The following RASAL2 variants were observed in gnomAD, a reference collection of about 807,000 sequenced individuals.
The protein encoded by RASAL2 is RAS protein activator like 2.
A neutral mutation model predicts 128.9 loss-of-function variants in RASAL2; 58 were observed. That is an observed-to-expected ratio of 0.45 (90% CI 0.36 to 0.56). The LOEUF (loss-of-function observed/expected upper bound fraction) is 0.56. Ranked by LOEUF, RASAL2 falls within the 20% of genes least tolerant of loss-of-function variation. The pLI is 0.00. For missense variants in RASAL2, 1,360 were observed against 1,601.6 expected (o/e 0.85, Z 2.57); for synonymous variants, 561 against 580.8 (o/e 0.97, Z 0.49).
rs1671723783 is a variant in RASAL2 at position 178,371,601 on chromosome 1, C to T, written c.458-18499C>T. ...AGAAGAAAGGAGGGATGAGAGCTTC[C>T]TATTCACAGATTTATCAACCTGCCT... On this transcript the variant is annotated intron_variant, in intron 3 of 17. Coordinates refer to ENST00000367649, the MANE Select transcript of RASAL2 (RefSeq NM_170692.4). Among the ~76,000 whole-genome samples, 15 of 152,176 alleles carry T rather than the reference C, an allele frequency of 9.9e-5. No individual in the cohort carries two copies. In the South Asian group the frequency reaches 3.1e-3, roughly 32 times the overall value.
chr1:178,321,066 C>T (rs1028063015), intron 3 of RASAL2, among the ~76,000 whole-genome samples: 1 of 152,154 alleles, frequency 6.6e-6, no homozygotes, highest in South Asian at 2.1e-4. Context: ...AGTACTTTAT[C>T]TGTGCACAAT....
intron 15 of RASAL2, among the ~76,000 whole-genome samples, chr1:178,464,768 C>A (rs1647475698): frequency 1.5e-5 from 2 of 129,268 alleles, no homozygotes; most frequent in African/African-American, 5.8e-5. Flanking sequence ...CACCCAAGGA[C>A]AAAATTACCC....
intron 1 of RASAL2, among the ~76,000 whole-genome samples, chr1:178,128,998 A>G (rs928905238): frequency 6.6e-6 from 1 of 151,958 alleles, no homozygotes; most frequent in Non-Finnish European, 1.5e-5. Flanking sequence ...ATGAACATTC[A>G]TGTACAAGTT....
At chr1:178,341,729 AT>A (rs1669893418) in intron 3 of RASAL2, 1 of 1,439,686 alleles carries the variant, frequency 6.9e-7, no homozygotes, top group Non-Finnish European at 9.6e-7. Context: ...CTTTAAAAAA[AT>A]AGGTTGGTTT....
At chr1:178,109,141 T>G (rs1334533526) in intron 1 of RASAL2, among the ~76,000 whole-genome samples, 1 of 152,226 alleles carries the variant, frequency 6.6e-6, no homozygotes, top group Non-Finnish European at 1.5e-5. Context: ...CAGGTGGCTC[T>G]CTACTTTAAT....
At chr1:178,139,269 G>C (rs184922944) in intron 1 of RASAL2, among the ~76,000 whole-genome samples, 1 of 152,018 alleles carries the variant, frequency 6.6e-6, no homozygotes, top group Non-Finnish European at 1.5e-5. Flanking sequence ...GGGAATAAGG[G>C]AACTTTTTTC....
At chr1:178,250,808 T>A (rs961612063) in intron 1 of RASAL2, among the ~76,000 whole-genome samples, 1 of 152,182 alleles carries the variant, frequency 6.6e-6, no homozygotes, top group Non-Finnish European at 1.5e-5. Context: ...CCTTACACTG[T>A]GTTTGCTTAG....
At chr1:178,295,790 A>G (rs1667471269) in intron 2 of RASAL2, among the ~76,000 whole-genome samples, 1 of 152,144 alleles carries the variant, frequency 6.6e-6, no homozygotes, top group Admixed American at 6.5e-5. Flanking sequence ...TTAAGGAAAT[A>G]AGAAAGTTGA....
chr1:178,185,687 T>TA (rs1662267855), intron 1 of RASAL2, among the ~76,000 whole-genome samples: 1 of 152,090 alleles, frequency 6.6e-6, no homozygotes, highest in Admixed American at 6.5e-5. Context: ...TATGGTGGAT[T>TA]ACATTTATTG....
At chr1:178,226,472 C>T (rs1333643468) in intron 1 of RASAL2, among the ~76,000 whole-genome samples, 2 of 152,008 alleles carry the variant, frequency 1.3e-5, no homozygotes, top group Non-Finnish European at 2.9e-5. Context: ...TGATTTTTAC[C>T]TGGTTTTTAC....
Position 178,249,272 on chromosome 1 carries a change from G to A in RASAL2, c.203-34292G>A, listed in dbSNP as rs1003303145. The stretch of plus-strand genomic sequence containing the variant: ...CTTTTTTCTCTAATCTTGTCTTCAC[G>A]TGTTATTTCATTAAGTTGTTCTTCA... On this transcript the variant is annotated intron_variant, in intron 1 of 17. Coordinates refer to ENST00000367649, the MANE Select transcript of RASAL2 (RefSeq NM_170692.4). Among the ~76,000 whole-genome samples the A allele has an allele frequency of 2.1e-4, 32 of 151,610 alleles. 1 individual carries two copies. The highest frequency in any genetic ancestry group is 3.6e-4 in the African/African-American group (15 of 41,308).
intron 15 of RASAL2, among the ~76,000 whole-genome samples, 155 bp downstream of exon 15, chr1:178,464,567 GGTGTGTGTGTGTGTGTGTGTGT>G: frequency 6.9e-6 from 1 of 145,120 alleles, no homozygotes; most frequent in South Asian, 2.3e-4. Context: ...ATAGGTCAGT[GGTGTGTGTGTGTGTGTGTGTGT>G]GTGTGTGTGT....
At chr1:178,430,199 A>G (rs1467569434) in intron 5 of RASAL2, among the ~76,000 whole-genome samples, 1 of 152,072 alleles carries the variant, frequency 6.6e-6, no homozygotes, top group Non-Finnish European at 1.5e-5. Context: ...CAATCTTTTA[A>G]AATATGGTCT....
intron 1 of RASAL2, among the ~76,000 whole-genome samples, chr1:178,097,558 G>A (rs972062192): frequency 3.3e-5 from 5 of 152,146 alleles, no homozygotes; most frequent in Non-Finnish European, 5.9e-5. Flanking sequence ...TGAGTATGGC[G>A]ATGTTGCTTA....
intron 3 of RASAL2, among the ~76,000 whole-genome samples, chr1:178,379,941 T>C (rs1487761296): frequency 1.3e-5 from 2 of 152,230 alleles, no homozygotes; most frequent in Non-Finnish European, 2.9e-5. Context: ...GTCTCACTCT[T>C]GTCAGTCAAG....
At chr1:178,116,785 T>C (rs975254929) in intron 1 of RASAL2, among the ~76,000 whole-genome samples, 37 of 152,076 alleles carry the variant, frequency 2.4e-4, no homozygotes, top group African/African-American at 8.5e-4. Flanking sequence ...AATTTTTTTG[T>C]ATTTTTAGTT....
chr1:178,109,451 C>T (rs1217055398), intron 1 of RASAL2, among the ~76,000 whole-genome samples: 1 of 152,076 alleles, frequency 6.6e-6, no homozygotes, highest in Non-Finnish European at 1.5e-5. Context: ...TCCTAGTGAG[C>T]CTAGTTCTCT....
At chr1:178,195,161 T>A (rs1662619069) in intron 1 of RASAL2, among the ~76,000 whole-genome samples, 1 of 152,202 alleles carries the variant, frequency 6.6e-6, no homozygotes, top group East Asian at 1.9e-4. Flanking sequence ...AATGACTTGC[T>A]CAAAGGCAGT....
intron 1 of RASAL2, among the ~76,000 whole-genome samples, chr1:178,196,444 G>A (rs1662663544): frequency 6.6e-6 from 1 of 152,116 alleles, no homozygotes; most frequent in Non-Finnish European, 1.5e-5. Context: ...TGTATCCATG[G>A]GTTCCTCATC....
Sources: allele counts gnomAD v4.1 joint callset (sites outside exome capture counted in the v4.1 genomes callset), GRCh38; gene constraint gnomAD v4.1.1; transcripts MANE v1.5; gene names NCBI Gene and HGNC (gene_info 2026-07-23, HGNC 2026-07-21).